The following MAEA variants were observed in gnomAD, a reference collection of about 807,000 sequenced individuals.
MAEA encodes the protein E3 ubiquitin-protein transferase MAEA.
Under a neutral mutation model 46.2 loss-of-function variants are expected in MAEA, and 22 were observed. That is an observed-to-expected ratio of 0.48 (90% CI 0.34 to 0.68). The LOEUF is 0.68. Ranked by LOEUF, MAEA falls within the 30% of genes least tolerant of loss-of-function variation. The pLI, the probability that MAEA is intolerant of heterozygous loss-of-function variation, is 0.01. For synonymous variants in MAEA, 246 were observed against 222.6 expected (o/e 1.11, Z -0.94); for missense variants, 393 against 558.1 (o/e 0.70, Z 2.98).
intron 5 of MAEA, chr4:1,329,752 G>T (rs1370838603): frequency 1.0e-6 from 1 of 985,532 alleles, no homozygotes; most frequent in African/African-American, 1.7e-5. Context: ...GGGAGTGCGG[G>T]TGTTTGGCTG....
chr4:1,297,077 C>G (rs1477864573), intron 1 of MAEA, among the ~76,000 whole-genome samples: 1 of 152,188 alleles, frequency 6.6e-6, no homozygotes, highest in Admixed American at 6.5e-5. Flanking sequence ...GAAGGCAGTT[C>G]AAAGATACGA....
At chr4:1,334,826 A>C in intron 6 of MAEA, 1 of 978,104 alleles carries the variant, frequency 1.0e-6, no homozygotes, top group Non-Finnish European at 1.2e-6. Flanking sequence ...TGAGGATGCC[A>C]GGAGCTGTTC....
intron 6 of MAEA, chr4:1,335,570 A>C (rs914052894): frequency 1.1e-5 from 11 of 981,918 alleles, no homozygotes; most frequent in Admixed American, 1.2e-4. Context: ...AGTGTGTTGA[A>C]ATCACAGAGT....
chr4:1,333,910 C>A lies in MAEA; in HGVS notation c.765+1045C>A, dbSNP rs1415396868. ...ACCCCATGCCCACCCCCATGCCCAC[C>A]TGTGCTCACCCCCATGCCCACTCCC... On this transcript the variant is annotated intron_variant, in intron 6 of 8. Transcript: ENST00000303400. 7.9e-5 allele frequency among the ~76,000 whole-genome samples: 3 copies of A among 38,150 alleles called. No homozygotes were observed. The South Asian group carries it at 4.5e-3, about 57-fold the overall frequency. The allele number at this position is 38,150 out of a possible 152,430, so 25.0% of individuals were successfully genotyped here. A position where few individuals can be genotyped will look rare whatever the true frequency, so the allele number is the denominator to read the frequency against.
chr4:1,309,720 C>A, intron 1 of MAEA: 1 of 1,519,406 alleles, frequency 6.6e-7, no homozygotes, highest in Non-Finnish European at 8.8e-7. Context: ...CCGGTGAGCC[C>A]CTCCCCGGCC....
rs1364075795 is a variant in MAEA at position 1,311,528 on chromosome 4, G to T, written c.70-451G>T. Among the ~76,000 whole-genome samples, 2 of 152,116 alleles carry T rather than the reference G, an allele frequency of 1.3e-5. No individual in the cohort carries two copies. On this transcript the variant is annotated intron_variant, in intron 1 of 8. Transcript: ENST00000303400. This position sits in a 1 kb window ranked among gnomAD's most constrained non-coding sequence, Gnocchi z 4.4. ...GGCTTGCTGTGCCCAACCCCAGCCC[G>T]TGTGGAGCCCACGCCCCATGCACCC... is the stretch of plus-strand genomic sequence containing the variant.
intron 6 of MAEA, 23 bp downstream of exon 6, chr4:1,332,888 C>T (rs756589963): frequency 6.7e-5 from 105 of 1,565,708 alleles, no homozygotes; most frequent in Admixed American, 1.7e-4. Flanking sequence ...TCCCTGGGGT[C>T]GGTGTCATGC....
intron 1 of MAEA, among the ~76,000 whole-genome samples, chr4:1,308,531 G>A (rs1250911952): frequency 2.6e-5 from 4 of 152,238 alleles, no homozygotes; most frequent in East Asian, 1.9e-4. Flanking sequence ...CGCCGGGCAC[G>A]TTCCCTGGCA....
chr4:1,298,643 C>T (rs1029672426), intron 1 of MAEA, among the ~76,000 whole-genome samples: 11 of 152,174 alleles, frequency 7.2e-5, no homozygotes, highest in African/African-American at 1.4e-4. Flanking sequence ...ACAGCTCACC[C>T]CCTCGGGCTC....
chr4:1,320,493 A>C (rs1737926964), intron 3 of MAEA, among the ~76,000 whole-genome samples: 1 of 152,058 alleles, frequency 6.6e-6, no homozygotes, highest in South Asian at 2.1e-4. Flanking sequence ...AGAAATCATC[A>C]AAGCAAACAT....
At chr4:1,328,529 G>C (rs1739133636) in intron 5 of MAEA, 1 of 901,378 alleles carries the variant, frequency 1.1e-6, no homozygotes, top group Non-Finnish European at 1.4e-6. Flanking sequence ...TGTGGGCCTG[G>C]CTGGCCCTCA....
At chr4:1,317,496 G>A (rs898465773) in intron 3 of MAEA, among the ~76,000 whole-genome samples, 3 of 151,734 alleles carry the variant, frequency 2.0e-5, no homozygotes, top group African/African-American at 4.8e-5. Context: ...TGGGTGGAGC[G>A]GCACCCTCCC....
At chr4:1,319,883 G>T (rs936399859) in intron 3 of MAEA, among the ~76,000 whole-genome samples, 1 of 150,884 alleles carries the variant, frequency 6.6e-6, no homozygotes, top group African/African-American at 2.4e-5. Flanking sequence ...CTCCAGAAAA[G>T]AATCATCAAA....
At chr4:1,312,264 G>A (rs1272633219) in intron 2 of MAEA, 103 bp downstream of exon 2, 3 of 1,436,710 alleles carry the variant, frequency 2.1e-6, no homozygotes, top group Non-Finnish European at 2.8e-6. Flanking sequence ...GGGAACGCGG[G>A]AGGTGCGGTT....
chr4:1,299,165 C>T (rs999261135), intron 1 of MAEA, among the ~76,000 whole-genome samples: 1 of 152,206 alleles, frequency 6.6e-6, no homozygotes, highest in Non-Finnish European at 1.5e-5. Flanking sequence ...AGGTGTGAGC[C>T]ACCATGCCCA....
intron 1 of MAEA, among the ~76,000 whole-genome samples, chr4:1,303,248 A>AAAAAAAAAAC: frequency 6.7e-6 from 1 of 149,924 alleles, no homozygotes; most frequent in African/African-American, 2.5e-5. Context: ...AAAAAAAAAA[A>AAAAAAAAAAC]AAAAAAAGCC....
intron 1 of MAEA, among the ~76,000 whole-genome samples, chr4:1,310,469 C>T (rs928053511): frequency 2.6e-5 from 4 of 152,204 alleles, no homozygotes; most frequent in African/African-American, 9.6e-5. Context: ...TTCCAGATGC[C>T]ACACACGGTG....
At chr4:1,324,564 G>A (rs575293817) in intron 4 of MAEA, among the ~76,000 whole-genome samples, 1 of 148,968 alleles carries the variant, frequency 6.7e-6, no homozygotes, top group African/African-American at 2.5e-5. Context: ...GAGCGTGCCT[G>A]GTGTTGGATG....
At chr4:1,315,871 G>T (rs1279797767) in intron 3 of MAEA, among the ~76,000 whole-genome samples, 20 of 30,168 alleles carry the variant, frequency 6.6e-4, no homozygotes, top group Non-Finnish European at 9.1e-4. Context: ...TCCCGTGTGT[G>T]TGCCCCCCCC....
Sources: gnomAD v4.1 joint callset for allele counts (sites outside exome capture counted in the v4.1 genomes callset) on GRCh38, gnomAD v4.1.1 for gene constraint, Gnocchi (gnomAD v3.1) non-coding constraint, MANE v1.5 for transcripts, NCBI Gene and HGNC (gene_info 2026-07-23, HGNC 2026-07-21) for gene names.